Variants in MAP3K7CL observed in about 807,000 individuals in gnomAD.
MAP3K7CL encodes the protein MAP3K7 C-terminal like.
Under a neutral mutation model 18.6 loss-of-function variants are expected in MAP3K7CL, and 16 were observed. That is an observed-to-expected ratio of 0.86 (90% confidence interval 0.58 to 1.31). MAP3K7CL has a LOEUF of 1.31. Among genes scored for constraint, MAP3K7CL ranks in the 50% most tolerant of loss-of-function variants. MAP3K7CL has a pLI of 0.00. For missense variants in MAP3K7CL, 163 were observed against 174.4 expected, an observed-to-expected ratio of 0.93 and a Z score of 0.37; for synonymous variants, 65 against 66.8, an observed-to-expected ratio of 0.97 and a Z score of 0.13.
intron 1 of MAP3K7CL, among the ~76,000 whole-genome samples, chr21:29,089,971 A>G (rs775462697): frequency 1.2e-4 from 19 of 152,054 alleles, no homozygotes; most frequent in Non-Finnish European, 2.1e-4. Context: ...GGCAGGAGGG[A>G]AGGAAAAAAG....
At chr21:29,167,135 G>A (rs2087708022) in intron 4 of MAP3K7CL, among the ~76,000 whole-genome samples, 1 of 152,190 alleles carries the variant, frequency 6.6e-6, no homozygotes, top group Non-Finnish European at 1.5e-5. Context: ...TTGATTTACA[G>A]TTCTCTGATG....
At chr21:29,133,480 G>T in intron 2 of MAP3K7CL, 66 bp downstream of exon 2, 2 of 1,234,022 alleles carry the variant, frequency 1.6e-6, no homozygotes, top group Non-Finnish European at 2.2e-6. Context: ...CTTTTCTAAT[G>T]CCACGCCTCT....
intron 4 of MAP3K7CL, among the ~76,000 whole-genome samples, chr21:29,098,932 T>G (rs942058749): frequency 6.6e-6 from 1 of 152,330 alleles, no homozygotes; most frequent in East Asian, 1.9e-4. Context: ...TGAAGGTCTC[T>G]ATTCTTTTAA....
chr21:29,085,739 G>T, upstream of MAP3K7CL: 2 of 904,700 alleles, frequency 2.2e-6, no homozygotes, highest in Non-Finnish European at 3.6e-6. Flanking sequence ...AATGCCAACG[G>T]CATGGTTAGT....
chr21:29,165,126 A>G (rs1174535677), intron 4 of MAP3K7CL, among the ~76,000 whole-genome samples: 2 of 152,214 alleles, frequency 1.3e-5, no homozygotes, highest in South Asian at 2.1e-4. Context: ...TTAAAAGTAT[A>G]TTATTAAGCT....
upstream of MAP3K7CL, among the ~76,000 whole-genome samples, chr21:29,083,582 C>T (rs1230757490): frequency 6.6e-6 from 1 of 152,006 alleles, no homozygotes; most frequent in Non-Finnish European, 1.5e-5. Flanking sequence ...ATTTTATGGC[C>T]GCTATGAATC....
At chr21:29,122,884 A>G (rs1319151514) in intron 4 of MAP3K7CL, among the ~76,000 whole-genome samples, 4 of 152,148 alleles carry the variant, frequency 2.6e-5, no homozygotes, top group Non-Finnish European at 5.9e-5. Flanking sequence ...TGTCTGTATC[A>G]ATTGTATTTT....
chr21:29,149,238 C>T lies in MAP3K7CL; in HGVS notation c.120C>T (p.Asp40=). The T allele has an allele frequency of 1.2e-6, 2 of 1,613,718 alleles. No homozygotes were observed. Among genetic ancestry groups the T allele is most frequent in the Non-Finnish European group, 1.7e-6 (2 of 1,179,612 alleles). ...TTCCTTTGGTCTTTCCAGAATTAGA[C>T]CAGCAGCTACAGGTAAGGATTTTTC... ...DSIPLVFPEL[D]QQLQPLPPCH... is the part of the protein sequence containing the mutation. Residue 40 remains aspartate, a synonymous_variant, in exon 3 of 5, where the codon GAC becomes GAT. Coordinates refer to ENST00000399928, the MANE Select transcript of MAP3K7CL (RefSeq NM_001286620.2).
chr21:29,089,479 G>GATTTC (rs948874402), intron 1 of MAP3K7CL, among the ~76,000 whole-genome samples: 3 of 152,172 alleles, frequency 2.0e-5, no homozygotes, highest in African/African-American at 7.2e-5. Context: ...ATGAGAAAAA[G>GATTTC]ATTTCTCGTT....
upstream of MAP3K7CL, chr21:29,084,973 C>G (rs1326523046): frequency 6.6e-6 from 1 of 152,122 alleles, no homozygotes; most frequent in Non-Finnish European, 1.5e-5. Flanking sequence ...AGTGACTTAT[C>G]TCAAGATGAT....
At chr21:29,100,118 C>T (rs1016737373) in intron 4 of MAP3K7CL, among the ~76,000 whole-genome samples, 1 of 151,552 alleles carries the variant, frequency 6.6e-6, no homozygotes, top group Non-Finnish European at 1.5e-5. Context: ...AATGGATCTC[C>T]TCCTCCCACC....
At chr21:29,106,779 A>T (rs1325185222) in intron 4 of MAP3K7CL, among the ~76,000 whole-genome samples, 1 of 152,204 alleles carries the variant, frequency 6.6e-6, no homozygotes, top group Admixed American at 6.5e-5. Context: ...TTCTGCACAC[A>T]GAGCCTCATG....
intron 4 of MAP3K7CL, among the ~76,000 whole-genome samples, chr21:29,096,450 A>C (rs1023231732): frequency 6.6e-6 from 1 of 152,208 alleles, no homozygotes; most frequent in Admixed American, 6.5e-5. Context: ...AGTTTATAGC[A>C]GGTGAATGAC....
At chr21:29,132,159 A>G (rs898653735) in intron 1 of MAP3K7CL, among the ~76,000 whole-genome samples, 3 of 152,234 alleles carry the variant, frequency 2.0e-5, no homozygotes, top group African/African-American at 7.2e-5. Flanking sequence ...ATGTATTTAT[A>G]ACTATCTTTT....
intron 1 of MAP3K7CL, chr21:29,091,475 T>C: frequency 1.5e-6 from 1 of 662,810 alleles, no homozygotes; most frequent in African/African-American, 1.8e-5. Flanking sequence ...TCTTTTCTTT[T>C]TTTCTTTTTT....
upstream of MAP3K7CL, among the ~76,000 whole-genome samples, chr21:29,080,865 T>C (rs1186093119): frequency 6.6e-6 from 1 of 151,966 alleles, no homozygotes; most frequent in East Asian, 1.9e-4. Flanking sequence ...ACATAATTCC[T>C]GTGTTTATGA....
At chr21:29,124,466 A>G (rs1462096002) in intron 4 of MAP3K7CL, among the ~76,000 whole-genome samples, 2 of 152,240 alleles carry the variant, frequency 1.3e-5, no homozygotes, top group African/African-American at 4.8e-5. Context: ...ATATTTAGAT[A>G]AAAGATTAAT....
upstream of MAP3K7CL, among the ~76,000 whole-genome samples, chr21:29,083,509 A>G (rs2085871548): frequency 6.6e-6 from 1 of 152,200 alleles, no homozygotes; most frequent in Non-Finnish European, 1.5e-5. Flanking sequence ...ATTTCATTGC[A>G]TGGTATCCTT....
chr21:29,165,814 G>T (rs149652289), intron 4 of MAP3K7CL, among the ~76,000 whole-genome samples: 1 of 152,194 alleles, frequency 6.6e-6, no homozygotes, highest in African/African-American at 2.4e-5. Flanking sequence ...TCAAGTGATC[G>T]GGCTGCTAAA....
Sources: gnomAD v4.1 joint callset for allele counts (sites outside exome capture counted in the v4.1 genomes callset) on GRCh38, gnomAD v4.1.1 for gene constraint, MANE v1.5 for transcripts, NCBI Gene and HGNC (gene_info 2026-07-23, HGNC 2026-07-21) for gene names.